CLOCK: variants seen among roughly 807,000 people sequenced by gnomAD.
CLOCK encodes clock circadian regulator.
In CLOCK, 43 loss-of-function variants were observed where a neutral mutation model predicts 118.4. That is an observed-to-expected ratio of 0.36 (90% confidence interval 0.28 to 0.47). CLOCK has a LOEUF of 0.47. Among genes scored for constraint, CLOCK ranks in the 20% least tolerant of loss-of-function variants. The pLI is 1.00. For missense variants in CLOCK, 846 were observed against 999.9 expected, an observed-to-expected ratio of 0.85 and a Z score of 2.08; for synonymous variants, 326 against 339.2, an observed-to-expected ratio of 0.96 and a Z score of 0.43.
intron 1 of CLOCK, among the ~76,000 whole-genome samples, chr4:55,511,184 T>C (rs1338825016): frequency 6.6e-6 from 1 of 152,168 alleles, no homozygotes; most frequent in Non-Finnish European, 1.5e-5. Context: ...TAACAATTAC[T>C]AAGCACTTTA....
rs772672954 is a variant in CLOCK at position 55,450,135 on chromosome 4, C to T, written c.1304G>A (p.Arg435Gln). ...DHSPTPSASS[R>Q]SSRKSSHTAV... Reference sequence around the variant, plus strand: ...CGTGTGAGATGATTTTCTTGAACTCCGAGAAGAGGCAGAAGGGGTTGGGCT... The same window carrying T: ...CGTGTGAGATGATTTTCTTGAACTCTGAGAAGAGGCAGAAGGGGTTGGGCT... The change falls in exon 16 of 23, where the codon CGG (arginine) becomes CAG (glutamine). Residue 435 changes from arginine to glutamine, a missense_variant. Around this residue, in one of 4 missense-constraint regions of CLOCK, gnomAD observed 520 missense variants for 558.0 expected, o/e 0.93. Transcript: ENST00000513440. 34 of 1,613,840 alleles carry T rather than the reference C, an allele frequency of 2.1e-5. No individual in the cohort carries two copies. In the East Asian group the frequency reaches 2.7e-4, roughly 13 times the overall value.
intron 4 of CLOCK, among the ~76,000 whole-genome samples, chr4:55,481,262 T>C (rs946395751): frequency 6.6e-6 from 1 of 152,198 alleles, no homozygotes; most frequent in Admixed American, 6.5e-5. Context: ...GGATTCCATG[T>C]AGGCCCTGAA....
At chr4:55,545,258 T>C (rs764015486) in intron 1 of CLOCK, among the ~76,000 whole-genome samples, 3 of 152,168 alleles carry the variant, frequency 2.0e-5, no homozygotes, top group Non-Finnish European at 4.4e-5. Context: ...CAGGAATTAA[T>C]TTCCTTCCCC....
At chr4:55,488,686 G>C (rs1200481108) in intron 3 of CLOCK, among the ~76,000 whole-genome samples, 2 of 151,974 alleles carry the variant, frequency 1.3e-5, no homozygotes, top group Non-Finnish European at 2.9e-5. Flanking sequence ...TTTCAATTAG[G>C]CTATCTCTGA....
intron 8 of CLOCK, among the ~76,000 whole-genome samples, chr4:55,468,977 T>C (rs1725925587): frequency 6.6e-6 from 1 of 152,196 alleles, no homozygotes; most frequent in African/African-American, 2.4e-5. Flanking sequence ...CTTGTGGTGA[T>C]GCTTGTGTAA....
At position 55,508,931 on chromosome 4, in the gene CLOCK, T is replaced by G. The variant is rs79682054; in HGVS notation, c.-136+981A>C. ...GAGAAATGCACAGGCAATCTGTCAT[T>G]GTGTCAACATCACAGACTATTTCTA... On this transcript the variant is annotated intron_variant, in intron 2 of 22. Coordinates refer to ENST00000513440, the MANE Select transcript of CLOCK (RefSeq NM_004898.4). 3.1e-3 allele frequency among the ~76,000 whole-genome samples: 478 copies of G among 152,312 alleles called. 4 individuals are homozygous for G. Among genetic ancestry groups the G allele is most frequent in the African/African-American group, 0.011 (470 of 41,568 alleles).
chr4:55,532,387 G>A (rs2110091410), intron 1 of CLOCK, among the ~76,000 whole-genome samples: 1 of 152,202 alleles, frequency 6.6e-6, no homozygotes, highest in Middle Eastern at 3.4e-3. Context: ...GTATACAGAT[G>A]ACATGATTTA....
intron 8 of CLOCK, among the ~76,000 whole-genome samples, chr4:55,465,318 C>T (rs915542531): frequency 1.3e-5 from 2 of 152,068 alleles, no homozygotes; most frequent in African/African-American, 4.8e-5. Context: ...TTTATCTATG[C>T]GGCTTGATGA....
chr4:55,543,715 T>C (rs1237374129), intron 1 of CLOCK, among the ~76,000 whole-genome samples: 2 of 151,884 alleles, frequency 1.3e-5, no homozygotes, highest in Non-Finnish European at 2.9e-5. Flanking sequence ...GAGCCGGAGG[T>C]TGCAGTGAGC....
chr4:55,532,537 A>G (rs899969921), intron 1 of CLOCK, among the ~76,000 whole-genome samples: 11 of 152,118 alleles, frequency 7.2e-5, no homozygotes, highest in African/African-American at 2.7e-4. Flanking sequence ...CTGGAAAGGA[A>G]AATTTAAAAA....
At chr4:55,504,158 C>A (rs1331745800) in intron 2 of CLOCK, among the ~76,000 whole-genome samples, 2 of 150,704 alleles carry the variant, frequency 1.3e-5, no homozygotes, top group African/African-American at 4.9e-5. Flanking sequence ...TGGTGGCAGG[C>A]GCCTATAGTC....
rs137888382 is a variant in CLOCK, at chr4:55,474,343, T to C, written c.348+1620A>G. Among the ~76,000 whole-genome samples the C allele has an allele frequency of 2.6e-5, 4 of 152,180 alleles. No individual in the cohort carries two copies. The East Asian group carries it at 7.7e-4, about 29-fold the overall frequency. On this transcript the variant is annotated intron_variant, in intron 7 of 22. Transcript: ENST00000513440. ...GTTAAGGAAACTACAGAAGAAAAGT[T>C]AGAAGAGAACAGAGGTAGGTTCATG... is the stretch of plus-strand genomic sequence containing the variant.
intron 1 of CLOCK, among the ~76,000 whole-genome samples, chr4:55,530,271 A>G (rs574278561): frequency 1.2e-4 from 19 of 152,258 alleles, no homozygotes; most frequent in African/African-American, 4.1e-4. Flanking sequence ...AGAAAATAAC[A>G]AGACAGAATA....
chr4:55,452,747 C>T (rs541130341), intron 15 of CLOCK: 10 of 204,706 alleles, frequency 4.9e-5, no homozygotes, highest in South Asian at 1.8e-4. Context: ...ATTACCTACC[C>T]GATAAAAATA....
At chr4:55,456,087 G>C (rs1724903803) in intron 12 of CLOCK, 84 bp from the exon 13 acceptor site, 5 of 1,013,966 alleles carry the variant, frequency 4.9e-6, no homozygotes, top group Non-Finnish European at 7.2e-6. Context: ...TGGGGGGGGG[G>C]CTTTATTTTT....
intron 6 of CLOCK, 42 bp from the exon 7 acceptor site, chr4:55,476,096 G>T: frequency 7.7e-7 from 1 of 1,305,864 alleles, no homozygotes; most frequent in Non-Finnish European, 1.1e-6. Flanking sequence ...TCCAACCACC[G>T]GAGGAGTACA....
intron 8 of CLOCK, among the ~76,000 whole-genome samples, chr4:55,464,538 TG>T (rs1413823210): frequency 6.6e-6 from 1 of 152,218 alleles, no homozygotes; most frequent in Admixed American, 6.5e-5. Context: ...CGTTTCAAAC[TG>T]CTCTGTGGAA....
chr4:55,545,508 T>G (rs1350511904), intron 1 of CLOCK: 1 of 152,218 alleles, frequency 6.6e-6, no homozygotes, highest in Non-Finnish European at 1.5e-5. Flanking sequence ...AAAGTTTACT[T>G]CTTGTGCTTT....
At chr4:55,456,870 T>TG (rs551610616) in intron 11 of CLOCK, among the ~76,000 whole-genome samples, 140 of 152,096 alleles carry the variant, frequency 9.2e-4, no homozygotes, top group African/African-American at 3.2e-3. Flanking sequence ...TTTGTAGAGG[T>TG]GGGGGGTCTA....
Sources: gnomAD v4.1 joint callset for allele counts (sites outside exome capture counted in the v4.1 genomes callset) on GRCh38, gnomAD v4.1.1 for gene constraint, gnomAD v4.1.1 regional missense constraint, MANE v1.5 for transcripts, NCBI Gene and HGNC (gene_info 2026-07-23, HGNC 2026-07-21) for gene names.